The following TWF1 variants were observed in gnomAD, a reference collection of about 807,000 sequenced individuals.
TWF1 encodes the protein twinfilin-1.
TWF1 carries 14 observed loss-of-function variants against 47.9 expected under a neutral mutation model. That is an observed-to-expected ratio of 0.29 (90% confidence interval 0.19 to 0.46). The LOEUF (loss-of-function observed/expected upper bound fraction) is 0.46. Ranked by LOEUF, TWF1 falls within the 20% of genes least tolerant of loss-of-function variation. The probability of loss-of-function intolerance (pLI) is 1.00; values close to 1 mark genes in which losing one functional copy is unlikely to be tolerated. For missense variants in TWF1, 281 were observed against 409.3 expected (o/e 0.69, Z 2.70); for synonymous variants, 96 against 139.2 (o/e 0.69, Z 2.18).
chr12:43,798,627 A>C lies in TWF1; in HGVS notation c.483+771T>G, dbSNP rs1467302807. On this transcript the variant is annotated intron_variant, in intron 5 of 8. Transcript: ENST00000395510. ...AAACAAACTATCAAACTCGTAAAAA[A>C]AAAAAAAAATCACATAAAAAGCCCT... The C allele has an allele frequency of 4.0e-6, 6 of 1,503,954 alleles. No homozygotes were observed. In the East Asian group the frequency reaches 1.2e-4, roughly 31 times the overall value. The allele number at this position is 1,503,954 out of a possible 1,614,324, so 93.2% of individuals were successfully genotyped here.
At chr12:43,804,233 T>C in intron 2 of TWF1, 1 of 490,400 alleles carries the variant, frequency 2.0e-6, no homozygotes. Context: ...TGGACTGTGG[T>C]GCAGAAACTG....
Position 43,797,721 on chromosome 12 carries a change from T to C in TWF1, c.596A>G (p.Asn199Ser), listed in dbSNP as rs1266988543. The C allele has an allele frequency of 1.2e-6, 2 of 1,612,262 alleles. No individual in the cohort carries two copies. The highest frequency in any genetic ancestry group is 1.7e-6 in the Non-Finnish European group (2 of 1,179,510). The change falls in exon 6 of 9, where the codon AAC becomes AGC. Residue 199 changes from asparagine (N) to serine (S), a missense_variant. Physicochemically the swap from Asn to Ser is conservative, Grantham distance 46 (BLOSUM62 1). Transcript: ENST00000395510. ...TACATCTCTTACCAACTGCACATAG[T>C]TGAGCTGTCTATTATTCAATTTTTC... is the stretch of plus-strand genomic sequence containing the variant. ...ALEKLNNRQL[N>S]YVQLEIDIKN...
chr12:43,803,958 C>CTGT, intron 2 of TWF1, among the ~76,000 whole-genome samples: 1 of 152,206 alleles, frequency 6.6e-6, no homozygotes, highest in South Asian at 2.1e-4. Flanking sequence ...TTCTCCCACT[C>CTGT]AACCAGATTC....
Position 43,795,649 on chromosome 12 carries a change from G to A in TWF1, c.989C>T (p.Ala330Val). Residue 330 changes from alanine (A) to valine (V), a missense_variant, in exon 9 of 9, where the codon GCA becomes GTA. Coordinates refer to ENST00000395510, the MANE Select transcript of TWF1 (RefSeq NM_002822.5). ...TAGTCTTCGAATTCCTCTTTTTCCT[G>A]CAGGACCTTTTGGTTTTGCAAAACT... ...KQSFAKPKGP[A>V]GKRGIRRLIR... is the part of the protein sequence containing the mutation. The A allele has an allele frequency of 6.2e-7, 1 of 1,613,134 alleles. No individual in the cohort carries two copies. The highest frequency in any genetic ancestry group is 8.5e-7 in the Non-Finnish European group (1 of 1,179,826).
chr12:43,801,544 T>C (rs563345914), intron 3 of TWF1, among the ~76,000 whole-genome samples: 2 of 152,354 alleles, frequency 1.3e-5, no homozygotes, highest in South Asian at 4.1e-4. Context: ...ACAGTCAATC[T>C]ACTACCAGCT....
At position 43,799,496 on chromosome 12, in the gene TWF1, C is replaced by A; in HGVS notation, c.385G>T (p.Val129Leu). The A allele has an allele frequency of 6.3e-7, 1 of 1,586,080 alleles. No individual in the cohort carries two copies. The highest frequency in any genetic ancestry group is 8.6e-7 in the Non-Finnish European group (1 of 1,157,062). Residue 129 changes from valine (V) to leucine (L), a missense_variant, in exon 5 of 9, where the codon GTA (valine) becomes TTA (leucine). By Grantham distance (32) the Val-to-Leu change is conservative. Transcript: ENST00000395510. ...TATTTTTTATATCCATGTAATGATA[C>A]ATCTTCCTGTAAGTACAGAATAGAC... Reference protein sequence around the residue: ...DEVFGTVKEDVSLHGYKKYLL... With the variant: ...DEVFGTVKEDLSLHGYKKYLL...
At chr12:43,797,487 C>A in intron 6 of TWF1, 35 bp from the exon 7 acceptor site, 1 of 1,501,766 alleles carries the variant, frequency 6.7e-7, no homozygotes. Flanking sequence ...TCATTAAAAC[C>A]AGATATAAGG....
intron 8 of TWF1, among the ~76,000 whole-genome samples, chr12:43,796,323 T>C (rs541407139): frequency 1.3e-5 from 2 of 152,114 alleles, no homozygotes; most frequent in Non-Finnish European, 2.9e-5. Context: ...CTTAGGAACT[T>C]AAAAAGCATG....
chr12:43,798,933 T>C (rs1942608331), intron 5 of TWF1, among the ~76,000 whole-genome samples: 1 of 152,100 alleles, frequency 6.6e-6, no homozygotes, highest in Non-Finnish European at 1.5e-5. Flanking sequence ...GACTCTAATA[T>C]GCTCAACAGG....
Position 43,804,578 on chromosome 12 carries a change from GA to G in TWF1, c.26-7del. On this transcript the variant is annotated splice_polypyrimidine_tract_variant and splice_region_variant and intron_variant, in intron 1 of 8. Coordinates refer to ENST00000395510, the MANE Select transcript of TWF1 (RefSeq NM_002822.5). ...CTCTTTAACATCTTCACTTGCTGTGGAAAAAGATAAAGAAAGTAAACTTTTT... is the reference window on the plus strand; with the variant it reads ...CTCTTTAACATCTTCACTTGCTGTGGAAAAGATAAAGAAAGTAAACTTTTT... 6.3e-7 allele frequency: 1 copy of G among 1,585,134 alleles called. No homozygotes were observed. The highest frequency in any genetic ancestry group is 1.4e-5 in the African/African-American group (1 of 73,714).
At chr12:43,800,366 C>T in intron 4 of TWF1, 69 bp downstream of exon 4, 2 of 1,081,776 alleles carry the variant, frequency 1.8e-6, no homozygotes, top group Non-Finnish European at 2.7e-6. Flanking sequence ...TATCAATTAC[C>T]CATTACCTAG....
intron 5 of TWF1, 102 bp from the exon 6 acceptor site, chr12:43,797,935 C>T (rs1942585079): frequency 1.7e-6 from 2 of 1,199,138 alleles, no homozygotes; most frequent in Non-Finnish European, 2.3e-6. Flanking sequence ...TCAACCCTAG[C>T]CCAACCTATA....
chr12:43,806,288 AGCGGCCCCGGCCG>A lies in TWF1; in HGVS notation c.-56_-44del. ...CCCGGCTCCGGCGCTGAGTGCAGCC[AGCGGCCCCGGCCG>A]GCGGCCCCAGGAAGTGGCTGCTCCT... On this transcript the variant is annotated 5_prime_UTR_variant, in exon 1 of 9. Coordinates refer to ENST00000395510, the MANE Select transcript of TWF1 (RefSeq NM_002822.5). 1 of 1,455,556 alleles carries A rather than the reference AGCGGCCCCGGCCG, an allele frequency of 6.9e-7. No homozygotes were observed. The highest frequency in any genetic ancestry group is 1.3e-5 in the South Asian group (1 of 76,738). 90.2% of individuals were successfully genotyped at this position (1,455,556 alleles called of 1,614,324 possible).
At chr12:43,805,899 A>G in intron 1 of TWF1, 1 of 1,476,074 alleles carries the variant, frequency 6.8e-7, no homozygotes, top group Non-Finnish European at 9.1e-7. Flanking sequence ...CGTGACCAAA[A>G]GGGGGAAAGT....
chr12:43,805,948 C>A, intron 1 of TWF1: 1 of 1,538,070 alleles, frequency 6.5e-7, no homozygotes. Flanking sequence ...ACGCCCCCTT[C>A]AACCAGGCCG....
intron 1 of TWF1, chr12:43,805,958 G>A (rs1205483049): frequency 6.5e-7 from 1 of 1,540,008 alleles, no homozygotes; most frequent in Non-Finnish European, 8.7e-7. Flanking sequence ...CAACCAGGCC[G>A]CCTCGAAAGC....
Position 43,798,555 on chromosome 12 carries a change from G to A in TWF1, c.484-722C>T, listed in dbSNP as rs141591211. ...AATGAAAACATCATAGAACATATGC[G>A]AATGCATACCCCAATATGATCCTCT... On this transcript the variant is annotated intron_variant, in intron 5 of 8. Transcript: ENST00000395510. 397 of 1,517,170 alleles carry A rather than the reference G, an allele frequency of 2.6e-4. 3 individuals are homozygous for A. In the Middle Eastern group the frequency reaches 4.1e-3, roughly 16 times the overall value. The allele number at this position is 1,517,170 out of a possible 1,614,324, so 94.0% of individuals were successfully genotyped here.
At chr12:43,799,734 T>C (rs1942624326) in intron 4 of TWF1, among the ~76,000 whole-genome samples, 1 of 152,114 alleles carries the variant, frequency 6.6e-6, no homozygotes, top group Non-Finnish European at 1.5e-5. Context: ...ACTAAATATT[T>C]TGTATGAGTT....
intron 4 of TWF1, 131 bp from the exon 5 acceptor site, chr12:43,799,633 ATC>A (rs1802169736): frequency 1.2e-5 from 6 of 517,848 alleles, no homozygotes; most frequent in East Asian, 3.3e-5. Context: ...GAATTTTAAT[ATC>A]TTTTTACTTT....
Sources: allele counts gnomAD v4.1 joint callset (sites outside exome capture counted in the v4.1 genomes callset), GRCh38; gene constraint gnomAD v4.1.1; transcripts MANE v1.5; gene names NCBI Gene and HGNC (gene_info 2026-07-23, HGNC 2026-07-21).